JAKMIP1: variants seen among roughly 807,000 people sequenced by gnomAD.
JAKMIP1 encodes janus kinase and microtubule interacting protein 1, also known as janus kinase and microtubule-interacting protein 1.
Under a neutral mutation model 113.0 loss-of-function variants are expected in JAKMIP1, and 33 were observed. The observed-to-expected ratio is 0.29, with a 90% CI of 0.22 to 0.39. JAKMIP1 has a LOEUF of 0.39. JAKMIP1 is among the 10% of genes least tolerant of loss of function. JAKMIP1 has a pLI of 1.00. For missense variants in JAKMIP1, 813 were observed against 1,080.5 expected (o/e 0.75, Z 3.47); for synonymous variants, 480 against 459.9 (o/e 1.04, Z -0.56).
rs1728161958 is a variant in JAKMIP1 at position 6,199,096 on chromosome 4, G to C, written c.-148+1157C>G. ...AAGGGGATCTCCCTGACTACAAGGA[G>C]CTGGCCAGCTGAAGTTAGGGCGTTC... On this transcript the variant is annotated intron_variant, in intron 1 of 20. Coordinates refer to ENST00000409021, the MANE Select transcript of JAKMIP1 (RefSeq NM_001099433.2). The surrounding 1 kb of genome is among the most constrained non-coding windows in gnomAD (Gnocchi z 5.6). Among the ~76,000 whole-genome samples the C allele has an allele frequency of 6.6e-6, 1 of 152,294 alleles. No individual in the cohort carries two copies.
At chr4:6,074,422 A>G (rs1200060302) in intron 8 of JAKMIP1, among the ~76,000 whole-genome samples, 1 of 152,220 alleles carries the variant, frequency 6.6e-6, no homozygotes, top group Non-Finnish European at 1.5e-5. Context: ...CTTTCAATGC[A>G]TTCACCACAG....
intron 1 of JAKMIP1, among the ~76,000 whole-genome samples, chr4:6,119,921 A>G (rs1181181703): frequency 6.6e-6 from 1 of 152,222 alleles, no homozygotes; most frequent in East Asian, 1.9e-4. Context: ...ATGGCCTGAT[A>G]GTTTTATAGG....
At chr4:6,115,788 A>G (rs1715656854) in intron 1 of JAKMIP1, among the ~76,000 whole-genome samples, 1 of 152,242 alleles carries the variant, frequency 6.6e-6, no homozygotes, top group Non-Finnish European at 1.5e-5. Flanking sequence ...CTGAAGAGAA[A>G]GCAAAAGGAC....
chr4:6,109,779 T>C (rs1714616798), intron 2 of JAKMIP1, among the ~76,000 whole-genome samples: 1 of 152,162 alleles, frequency 6.6e-6, no homozygotes, highest in South Asian at 2.1e-4. Flanking sequence ...AAATGGGACA[T>C]TGACAGTGAT....
chr4:6,102,860 AG>A (rs1195354531), intron 3 of JAKMIP1, among the ~76,000 whole-genome samples: 1 of 148,726 alleles, frequency 6.7e-6, no homozygotes, highest in Non-Finnish European at 1.5e-5. Flanking sequence ...CAGCCTCCTG[AG>A]TAGCTGGGAC....
In JAKMIP1 at chr4:6,048,925, A is replaced by G. The variant is rs1440003540; in HGVS notation, c.1963-3T>C. 1 of 1,613,538 alleles carries G rather than the reference A, an allele frequency of 6.2e-7. No homozygotes were observed. The highest frequency in any genetic ancestry group is 1.1e-5 in the South Asian group (1 of 91,070). The stretch of plus-strand genomic sequence containing the variant: ...ACCTGTTCTTCATTTCTCAAATTCT[A>G]AAACACAAAAATGGGCAAGGGCATT... On this transcript the variant is annotated splice_polypyrimidine_tract_variant and splice_region_variant and intron_variant, in intron 15 of 20. Coordinates refer to ENST00000409021, the MANE Select transcript of JAKMIP1 (RefSeq NM_001099433.2).
intron 1 of JAKMIP1, among the ~76,000 whole-genome samples, chr4:6,115,677 T>G (rs920115967): frequency 3.3e-5 from 5 of 152,246 alleles, no homozygotes; most frequent in Admixed American, 1.3e-4. Context: ...CTTCAATGAC[T>G]GCTTTTAAGA....
chr4:6,148,060 C>T (rs1360650442), intron 1 of JAKMIP1, among the ~76,000 whole-genome samples: 1 of 152,236 alleles, frequency 6.6e-6, no homozygotes, highest in African/African-American at 2.4e-5. Flanking sequence ...GGACCAACCA[C>T]AGGTACTAAG....
intron 18 of JAKMIP1, among the ~76,000 whole-genome samples, chr4:6,039,408 A>C (rs1714011174): frequency 6.6e-6 from 1 of 152,158 alleles, no homozygotes; most frequent in African/African-American, 2.4e-5. Flanking sequence ...AGAGTTTTCC[A>C]ACTTTATTGC....
In JAKMIP1 at chr4:6,180,864, A is replaced by C. The variant is rs1417599353; in HGVS notation, c.-148+19389T>G. ...CTCAAGTCCCAAGCTTAGTATAAAA[A>C]CTTTTTCTTTTTCAACTGCTACTTG... is the stretch of plus-strand genomic sequence containing the variant. On this transcript the variant is annotated intron_variant, in intron 1 of 20. Transcript: ENST00000409021. This position sits in a 1 kb window ranked among gnomAD's most constrained non-coding sequence, Gnocchi z 4.5. Among the ~76,000 whole-genome samples the C allele has an allele frequency of 1.3e-5, 2 of 152,024 alleles. No individual in the cohort carries two copies. Among genetic ancestry groups the C allele is most frequent in the Admixed American group, 1.3e-4 (2 of 15,264 alleles).
intron 1 of JAKMIP1, among the ~76,000 whole-genome samples, chr4:6,160,905 A>AACCTCCCCGATCTCCACTC (rs529626973): frequency 9.6e-5 from 11 of 114,722 alleles, no homozygotes; most frequent in Admixed American, 3.4e-4. Flanking sequence ...GACCTCCACT[A>AACCTCCCCGATCTCCACTC]ACCTCCCCGA....
chr4:6,103,546 T>C (rs963981367), intron 3 of JAKMIP1, among the ~76,000 whole-genome samples: 1 of 152,260 alleles, frequency 6.6e-6, no homozygotes, highest in African/African-American at 2.4e-5. Context: ...CCTAATTCTC[T>C]ATTTTCTGGA....
At position 6,197,318 on chromosome 4, in the gene JAKMIP1, G is replaced by A. The variant is rs144487718; in HGVS notation, c.-148+2935C>T. ...CACTGCTCTGATCATTAGTTTCATC[G>A]TTAGCTAAAGAAGGACCCCAAATGT... On this transcript the variant is annotated intron_variant, in intron 1 of 20. Coordinates refer to ENST00000409021, the MANE Select transcript of JAKMIP1 (RefSeq NM_001099433.2). This position sits in a 1 kb window ranked among gnomAD's most constrained non-coding sequence, Gnocchi z 6.5. Among the ~76,000 whole-genome samples, 363 of 152,250 alleles carry A rather than the reference G, an allele frequency of 2.4e-3. 1 individual carries two copies. Among genetic ancestry groups the A allele is most frequent in the African/African-American group, 8.4e-3 (348 of 41,538 alleles).
chr4:6,108,708 C>G lies in JAKMIP1; in HGVS notation c.130-2741G>C, dbSNP rs904633517. Among the ~76,000 whole-genome samples the G allele has an allele frequency of 4.6e-5, 7 of 152,184 alleles. No individual in the cohort carries two copies. The highest frequency in any genetic ancestry group is 1.7e-4 in the African/African-American group (7 of 41,446). On this transcript the variant is annotated intron_variant, in intron 2 of 20. Transcript: ENST00000409021. This position sits in a 1 kb window ranked among gnomAD's most constrained non-coding sequence, Gnocchi z 5.6. The stretch of plus-strand genomic sequence containing the variant: ...TGGGTACCAGTTCACTACTCTGAAA[C>G]CATCATACATGTATAGTGTTGAACA...
chr4:6,140,250 CTT>C lies in JAKMIP1; in HGVS notation c.-147-27255_-147-27254del, dbSNP rs35255967. ...CTGCTCCCTATTTTTCTTTTTTCCT[CTT>C]TTTTTTTTTTTTTTCTGTGGGGAGG... On this transcript the variant is annotated intron_variant, in intron 1 of 20. Transcript: ENST00000409021. This position sits in a 1 kb window ranked among gnomAD's most constrained non-coding sequence, Gnocchi z 9.4. Among the ~76,000 whole-genome samples the C allele has an allele frequency of 3.6e-5, 5 of 140,168 alleles. No individual in the cohort carries two copies. Among genetic ancestry groups the C allele is most frequent in the Admixed American group, 7.1e-5 (1 of 14,020 alleles). The allele number at this position is 140,168 out of a possible 152,430, so 92.0% of individuals were successfully genotyped here.
intron 1 of JAKMIP1, among the ~76,000 whole-genome samples, chr4:6,191,875 T>A (rs917059994): frequency 6.6e-6 from 1 of 151,964 alleles, no homozygotes; most frequent in Non-Finnish European, 1.5e-5. Flanking sequence ...ATATTTTACA[T>A]TCCGTTTTTT....
chr4:6,138,473 G>A lies in JAKMIP1; in HGVS notation c.-147-25476C>T, dbSNP rs1045115480. 2.6e-5 allele frequency among the ~76,000 whole-genome samples: 4 copies of A among 151,768 alleles called. No individual in the cohort carries two copies. The highest frequency in any genetic ancestry group is 2.9e-5 in the Non-Finnish European group (2 of 68,028). Reference sequence around the variant, plus strand: ...GCTGGTCTCAAACTCCTGACCTCACGTGATCCACCTGCCTCGGCCTCCCAA... The same window carrying A: ...GCTGGTCTCAAACTCCTGACCTCACATGATCCACCTGCCTCGGCCTCCCAA... On this transcript the variant is annotated intron_variant, in intron 1 of 20. Coordinates refer to ENST00000409021, the MANE Select transcript of JAKMIP1 (RefSeq NM_001099433.2). The surrounding 1 kb of genome is among the most constrained non-coding windows in gnomAD (Gnocchi z 6.0).
At position 6,179,456 on chromosome 4, in the gene JAKMIP1, C is replaced by T. The variant is rs1025519553; in HGVS notation, c.-148+20797G>A. ...AGGGAGACCCTGCCCCATCCACCAC[C>T]ACCTCCTTCCTCTACCTTCCTGACA... On this transcript the variant is annotated intron_variant, in intron 1 of 20. Transcript: ENST00000409021. This position sits in a 1 kb window ranked among gnomAD's most constrained non-coding sequence, Gnocchi z 4.5. 6.6e-6 allele frequency among the ~76,000 whole-genome samples: 1 copy of T among 152,210 alleles called. No individual in the cohort carries two copies. Among genetic ancestry groups the T allele is most frequent in the African/African-American group, 2.4e-5 (1 of 41,450 alleles).
intron 1 of JAKMIP1, among the ~76,000 whole-genome samples, chr4:6,113,710 C>T (rs376272184): frequency 1.2e-4 from 19 of 152,334 alleles, no homozygotes; most frequent in African/African-American, 2.9e-4. Flanking sequence ...CAAGCTGCCT[C>T]GGAAAGCCCG....
Sources: gnomAD v4.1 joint callset for allele counts (sites outside exome capture counted in the v4.1 genomes callset) on GRCh38, gnomAD v4.1.1 for gene constraint, Gnocchi (gnomAD v3.1) non-coding constraint, MANE v1.5 for transcripts, NCBI Gene and HGNC (gene_info 2026-07-23, HGNC 2026-07-21) for gene names.